Variants in BEND3 observed in about 807,000 individuals in gnomAD.
BEND3 encodes BEN domain-containing protein 3.
A neutral mutation model predicts 60.1 loss-of-function variants in BEND3; 13 were observed. That is an observed-to-expected ratio of 0.22 (90% confidence interval 0.14 to 0.34). The LOEUF (loss-of-function observed/expected upper bound fraction) is 0.34, where lower values mean the gene tolerates loss of function less well. BEND3 is among the 10% of genes least tolerant of loss of function. The pLI is 1.00. For synonymous variants in BEND3, 497 were observed against 491.5 expected, an observed-to-expected ratio of 1.01 and a Z score of -0.15; for missense variants, 896 against 1,138.1, an observed-to-expected ratio of 0.79 and a Z score of 3.06.
intron 3 of BEND3, among the ~76,000 whole-genome samples, chr6:107,096,626 A>C (rs1775591509): frequency 6.6e-6 from 1 of 152,128 alleles, no homozygotes; most frequent in African/African-American, 2.4e-5. Context: ...TCAATCAATC[A>C]ATCAATTAAA....
At chr6:107,080,405 AAG>A (rs1229814085) in intron 3 of BEND3, among the ~76,000 whole-genome samples, 3 of 151,754 alleles carry the variant, frequency 2.0e-5, no homozygotes, top group Non-Finnish European at 4.4e-5. Context: ...AAAAAAAGAA[AAG>A]AAAAGAAAAA....
At chr6:107,071,406 A>G (rs1554232065) in intron 3 of BEND3, among the ~76,000 whole-genome samples, 2 of 152,186 alleles carry the variant, frequency 1.3e-5, no homozygotes, top group East Asian at 1.9e-4. Flanking sequence ...TACCTATGGT[A>G]GCTCCCAAAG....
At chr6:107,090,585 C>T (rs906164836) in intron 3 of BEND3, among the ~76,000 whole-genome samples, 3 of 152,066 alleles carry the variant, frequency 2.0e-5, no homozygotes, top group Admixed American at 2.0e-4. Flanking sequence ...TGTGTGTGTG[C>T]ACGCGCGTGT....
chr6:107,070,958 A>C lies in BEND3; in HGVS notation c.241-8T>G, dbSNP rs1554231997. 1 of 1,598,146 alleles carries C rather than the reference A, an allele frequency of 6.3e-7. No individual in the cohort carries two copies. The highest frequency in any genetic ancestry group is 2.2e-5 in the East Asian group (1 of 44,710). Reference sequence around the variant, plus strand: ...CATGCCTGCTAGGAGAGCCTGCAAAACAAAAATCATTTCCCAGAGTGTTAG... The same window carrying C: ...CATGCCTGCTAGGAGAGCCTGCAAACCAAAAATCATTTCCCAGAGTGTTAG... On this transcript the variant is annotated splice_region_variant and splice_polypyrimidine_tract_variant and intron_variant, in intron 3 of 3. Transcript: ENST00000369042. The surrounding 1 kb of genome is among the most constrained non-coding windows in gnomAD (Gnocchi z 6.9).
chr6:107,081,304 T>C (rs992723559), intron 3 of BEND3, among the ~76,000 whole-genome samples: 3 of 150,154 alleles, frequency 2.0e-5, no homozygotes, highest in Non-Finnish European at 3.0e-5. Flanking sequence ...CACTACAACC[T>C]CCACCTCCCA....
At chr6:107,093,983 A>G (rs1226532065) in intron 3 of BEND3, among the ~76,000 whole-genome samples, 1 of 152,258 alleles carries the variant, frequency 6.6e-6, no homozygotes, top group Non-Finnish European at 1.5e-5. Context: ...TGCAAAAGAC[A>G]TACCTGATAA....
intron 3 of BEND3, among the ~76,000 whole-genome samples, chr6:107,075,981 C>T (rs573147021): frequency 2.1e-4 from 32 of 152,244 alleles, no homozygotes; most frequent in African/African-American, 7.7e-4. Flanking sequence ...GAAACACTGC[C>T]GTCAACAGAA....
chr6:107,083,844 T>C (rs1562305616), intron 3 of BEND3, among the ~76,000 whole-genome samples: 1 of 152,246 alleles, frequency 6.6e-6, no homozygotes, highest in East Asian at 1.9e-4. Flanking sequence ...ATCCCAACAC[T>C]CTGGGAGGCC....
chr6:107,090,700 G>T (rs1554235057), intron 3 of BEND3, among the ~76,000 whole-genome samples: 1 of 152,174 alleles, frequency 6.6e-6, no homozygotes, highest in African/African-American at 2.4e-5. Context: ...TTCTGAAGTG[G>T]TAGGTTATTT....
intron 3 of BEND3, among the ~76,000 whole-genome samples, chr6:107,075,321 CAAGTT>C (rs1212061086): frequency 6.6e-6 from 1 of 152,046 alleles, no homozygotes; most frequent in Non-Finnish European, 1.5e-5. Flanking sequence ...CAAAGTAAAT[CAAGTT>C]AAGAGTTTTG....
At chr6:107,108,421 G>A (rs1775868919) in intron 1 of BEND3, among the ~76,000 whole-genome samples, 1 of 152,214 alleles carries the variant, frequency 6.6e-6, no homozygotes, top group Non-Finnish European at 1.5e-5. Flanking sequence ...GCTCAAGGTG[G>A]AAGGAGGGAC....
At position 107,077,292 on chromosome 6, in the gene BEND3, A is replaced by T. The variant is rs567666514; in HGVS notation, c.241-6342T>A. 2.2e-4 allele frequency among the ~76,000 whole-genome samples: 33 copies of T among 152,246 alleles called. No individual in the cohort carries two copies. The Middle Eastern group carries it at 0.01, about 47-fold the overall frequency. On this transcript the variant is annotated intron_variant, in intron 3 of 3. Coordinates refer to ENST00000369042, the MANE Select transcript of BEND3 (RefSeq NM_001367314.1). ...GGCCAAAACAATTTTTTTTTAAATTAAATCAGAGACAGGGCTGCACTAAGT... is the reference window on the plus strand; with the variant it reads ...GGCCAAAACAATTTTTTTTTAAATTTAATCAGAGACAGGGCTGCACTAAGT...
intron 1 of BEND3, among the ~76,000 whole-genome samples, chr6:107,112,238 A>C (rs1332133541): frequency 6.6e-6 from 1 of 152,174 alleles, no homozygotes; most frequent in Admixed American, 6.5e-5. Flanking sequence ...AGACATTAAT[A>C]TAGGATATTA....
chr6:107,087,085 A>C (rs1775367555), intron 3 of BEND3, among the ~76,000 whole-genome samples: 1 of 151,770 alleles, frequency 6.6e-6, no homozygotes, highest in Non-Finnish European at 1.5e-5. Flanking sequence ...TAATCCCAGC[A>C]CTTTCAGAGG....
chr6:107,083,335 A>G (rs1050821295), intron 3 of BEND3, among the ~76,000 whole-genome samples: 1 of 152,178 alleles, frequency 6.6e-6, no homozygotes, highest in Admixed American at 6.5e-5. Flanking sequence ...ATTAAAAATT[A>G]TCGGCCAGGC....
chr6:107,081,217 A>G (rs868994412), intron 3 of BEND3, among the ~76,000 whole-genome samples: 1 of 147,328 alleles, frequency 6.8e-6, no homozygotes, highest in Non-Finnish European at 1.5e-5. Flanking sequence ...CTCAATTTAC[A>G]CAAACTTTTT....
intron 3 of BEND3, 87 bp from the exon 4 acceptor site, chr6:107,071,037 C>T (rs932621477): frequency 3.0e-5 from 39 of 1,287,552 alleles, no homozygotes; most frequent in East Asian, 1.0e-4. Flanking sequence ...ACACAGAGGC[C>T]GAGGTCAACC....
chr6:107,068,332 T>G lies in BEND3; in HGVS notation c.*372A>C. 1 of 176,288 alleles carries G rather than the reference T, an allele frequency of 5.7e-6. No individual in the cohort carries two copies. Among genetic ancestry groups the G allele is most frequent in the Non-Finnish European group, 1.2e-5 (1 of 85,118 alleles). 10.9% of individuals were successfully genotyped at this position (176,288 alleles called of 1,614,324 possible). On this transcript the variant is annotated 3_prime_UTR_variant, in exon 4 of 4. Coordinates refer to ENST00000369042, the MANE Select transcript of BEND3 (RefSeq NM_001367314.1). This position sits in a 1 kb window ranked among gnomAD's most constrained non-coding sequence, Gnocchi z 5.8. ...AAAAAAAATGGGTCAAAATGGAAGA[T>G]GTAAAATATGGGAAGAGGGGCAAGA...
chr6:107,079,520 C>T (rs1360735491), intron 3 of BEND3, among the ~76,000 whole-genome samples: 2 of 152,186 alleles, frequency 1.3e-5, no homozygotes, highest in East Asian at 1.9e-4. Context: ...AACATCCACC[C>T]CTAGACACTG....
Sources: allele counts gnomAD v4.1 joint callset (sites outside exome capture counted in the v4.1 genomes callset), GRCh38; gene constraint gnomAD v4.1.1; non-coding constraint Gnocchi (gnomAD v3.1); transcripts MANE v1.5; gene names NCBI Gene and HGNC (gene_info 2026-07-23, HGNC 2026-07-21).